The following ATG4B variants were observed in gnomAD, a reference collection of about 807,000 sequenced individuals.
ATG4B encodes autophagy related 4B cysteine peptidase.
A neutral mutation model predicts 56.6 loss-of-function variants in ATG4B; 29 were observed. The ratio of observed to expected loss-of-function variants is 0.51; its 90% confidence interval spans 0.38 to 0.70. The LOEUF (loss-of-function observed/expected upper bound fraction) is 0.70, where lower values mean the gene tolerates loss of function less well. ATG4B is among the 30% of genes least tolerant of loss of function. The pLI, the probability that ATG4B is intolerant of heterozygous loss-of-function variation, is 0.00. For missense variants in ATG4B, 461 were observed against 515.5 expected, an observed-to-expected ratio of 0.89 and a Z score of 1.02; for synonymous variants, 224 against 206.1, an observed-to-expected ratio of 1.09 and a Z score of -0.74.
At chr2:241,653,667 G>A in intron 4 of ATG4B, 57 bp downstream of exon 4, 1 of 1,499,398 alleles carries the variant, frequency 6.7e-7, no homozygotes. Flanking sequence ...AAGCAAAGGG[G>A]ACTGTGGGGT....
chr2:241,659,229 A>C (rs1480938575), intron 7 of ATG4B, 42 bp downstream of exon 7: 2 of 1,561,182 alleles, frequency 1.3e-6, no homozygotes, highest in Non-Finnish European at 1.8e-6. Context: ...AGTTGAAATC[A>C]CGGGCAACAT....
At chr2:241,670,850 G>T in intron 11 of ATG4B, 68 bp downstream of exon 11, 1 of 1,494,980 alleles carries the variant, frequency 6.7e-7, no homozygotes, top group South Asian at 1.2e-5. Context: ...GGGCGTGCAG[G>T]GGTCGAAGGC....
At chr2:241,638,871 T>C (rs1368668830) in intron 1 of ATG4B, among the ~76,000 whole-genome samples, 1 of 152,260 alleles carries the variant, frequency 6.6e-6, no homozygotes, top group Non-Finnish European at 1.5e-5. Context: ...TGTGTACTAT[T>C]TGTTGTTTAC....
intron 1 of ATG4B, among the ~76,000 whole-genome samples, chr2:241,647,919 G>C (rs1177633291): frequency 6.6e-6 from 1 of 151,836 alleles, no homozygotes. Context: ...ATCGAGACCA[G>C]CCTGGCTAAC....
At chr2:241,643,690 A>C (rs2067976745) in intron 1 of ATG4B, among the ~76,000 whole-genome samples, 2 of 87,740 alleles carry the variant, frequency 2.3e-5, no homozygotes, top group Admixed American at 1.1e-4. Flanking sequence ...GTATGTATAT[A>C]TTTTCCCCCC....
intron 7 of ATG4B, among the ~76,000 whole-genome samples, chr2:241,663,497 T>C (rs1026459576): frequency 1.3e-5 from 2 of 152,216 alleles, no homozygotes; most frequent in Admixed American, 1.3e-4. Context: ...ACCGTAACTA[T>C]GTATCTGAAC....
At chr2:241,642,904 G>A (rs1281339348) in intron 1 of ATG4B, among the ~76,000 whole-genome samples, 9 of 57,332 alleles carry the variant, frequency 1.6e-4, no homozygotes, top group African/African-American at 7.4e-4. Context: ...TTTTTAAGAC[G>A]GAGTCTCACT....
At position 241,672,024 on chromosome 2, in the gene ATG4B, T is replaced by C. The variant is rs1575096599; in HGVS notation, c.1109-167T>C. 3 of 1,307,910 alleles carry C rather than the reference T, an allele frequency of 2.3e-6. No individual in the cohort carries two copies. In the East Asian group the frequency reaches 1.1e-4, roughly 47 times the overall value. 81.0% of individuals were successfully genotyped at this position (1,307,910 alleles called of 1,614,324 possible). A position where few individuals can be genotyped will look rare whatever the true frequency, so the allele number is the denominator to read the frequency against. Reference sequence around the variant, plus strand: ...TCCTCTTCTCTGCTCCCTCCCCCCATATTCGCAGGTCTGCACAACCCCCGG... The same window carrying C: ...TCCTCTTCTCTGCTCCCTCCCCCCACATTCGCAGGTCTGCACAACCCCCGG... On this transcript the variant is annotated intron_variant, in intron 12 of 12. Coordinates refer to ENST00000404914, the MANE Select transcript of ATG4B (RefSeq NM_013325.5).
In ATG4B at chr2:241,668,030, CT is replaced by C; in HGVS notation, c.733-112del. The C allele has an allele frequency of 9.9e-7, 1 of 1,008,080 alleles. No homozygotes were observed. Among genetic ancestry groups the C allele is most frequent in the Non-Finnish European group, 1.5e-6 (1 of 684,000 alleles). 62.4% of individuals were successfully genotyped at this position (1,008,080 alleles called of 1,614,324 possible). ...TTGGTACCATGTCCCCTCCTGTCCC[CT>C]CTTGTGTCACCCAGTTGGGCCTCAG... On this transcript the variant is annotated intron_variant, in intron 8 of 12. Transcript: ENST00000404914. The surrounding 1 kb of genome is among the most constrained non-coding windows in gnomAD (Gnocchi z 4.2).
At position 241,651,482 on chromosome 2, in the gene ATG4B, A is replaced by G; in HGVS notation, c.184+147A>G. 2.8e-6 allele frequency: 2 copies of G among 705,914 alleles called. No individual in the cohort carries two copies. Among genetic ancestry groups the G allele is most frequent in the Non-Finnish European group, 4.7e-6 (2 of 423,556 alleles). 43.7% of individuals were successfully genotyped at this position (705,914 alleles called of 1,614,324 possible). A position where few individuals can be genotyped will look rare whatever the true frequency, so the allele number is the denominator to read the frequency against. On this transcript the variant is annotated intron_variant, in intron 3 of 12. Transcript: ENST00000404914. The surrounding 1 kb of genome is among the most constrained non-coding windows in gnomAD (Gnocchi z 4.1). Reference sequence around the variant, plus strand: ...GCTTAACTGAATTGGCCGAGGCCTCACGTGTAGTAGTGGCAAAGCTAGAAT... The same window carrying G: ...GCTTAACTGAATTGGCCGAGGCCTCGCGTGTAGTAGTGGCAAAGCTAGAAT...
chr2:241,644,708 C>T (rs552085735), intron 1 of ATG4B, among the ~76,000 whole-genome samples: 6 of 152,170 alleles, frequency 3.9e-5, no homozygotes, highest in South Asian at 4.1e-4. Flanking sequence ...CCAGCACTTT[C>T]GGAAGCTGAT....
rs368097997 is a variant in ATG4B at position 241,671,622 on chromosome 2, AGC to A, written c.1108+220_1108+221del. 236 of 1,486,246 alleles carry A rather than the reference AGC, an allele frequency of 1.6e-4. 1 individual carries two copies. The African/African-American group carries it at 3.0e-3, about 19-fold the overall frequency. The allele number at this position is 1,486,246 out of a possible 1,614,324, so 92.1% of individuals were successfully genotyped here. On this transcript the variant is annotated intron_variant, in intron 12 of 12. Transcript: ENST00000404914. ...CAGGACCCACCTCGTCTTCCCCACC[AGC>A]GCTGCCTGCCCGGGCGCTGTGGAGC...
intron 11 of ATG4B, among the ~76,000 whole-genome samples, chr2:241,671,093 G>A (rs986612513): frequency 8.5e-5 from 13 of 152,244 alleles, no homozygotes; most frequent in Admixed American, 2.0e-4. Context: ...GGCCGAGTGC[G>A]TGTGGCCCAC....
chr2:241,659,008 G>A, intron 6 of ATG4B, 100 bp from the exon 7 acceptor site: 3 of 822,824 alleles, frequency 3.6e-6, no homozygotes, highest in Non-Finnish European at 3.7e-6. Context: ...CATCCGAGAA[G>A]CACCTCTAAC....
At chr2:241,649,789 T>TC (rs1375792917) in intron 1 of ATG4B, among the ~76,000 whole-genome samples, 5 of 149,930 alleles carry the variant, frequency 3.3e-5, no homozygotes, top group Admixed American at 6.6e-5. Context: ...TTTTTCTTTT[T>TC]TTTTTTTTTT....
At chr2:241,647,237 A>G (rs1201212551) in intron 1 of ATG4B, among the ~76,000 whole-genome samples, 1 of 152,182 alleles carries the variant, frequency 6.6e-6, no homozygotes, top group Non-Finnish European at 1.5e-5. Context: ...GTGTATCTTT[A>G]GTTCAAAGCT....
intron 3 of ATG4B, 82 bp from the exon 4 acceptor site, chr2:241,653,430 G>T: frequency 6.4e-7 from 1 of 1,551,116 alleles, no homozygotes; most frequent in South Asian, 1.2e-5. Flanking sequence ...GTGTGGGACT[G>T]ACCGGCTGCC....
At chr2:241,642,789 C>G (rs2067933621) in intron 1 of ATG4B, among the ~76,000 whole-genome samples, 1 of 142,854 alleles carries the variant, frequency 7.0e-6, no homozygotes, top group African/African-American at 2.6e-5. Context: ...CGTGGAAAAT[C>G]AAGTGTCTGG....
chr2:241,671,474 G>T, intron 12 of ATG4B, 69 bp downstream of exon 12: 1 of 1,581,750 alleles, frequency 6.3e-7, no homozygotes. Context: ...CCCAGTCCTG[G>T]CCCCCTTGGT....
Sources: gnomAD v4.1 joint callset for allele counts (sites outside exome capture counted in the v4.1 genomes callset) on GRCh38, gnomAD v4.1.1 for gene constraint, Gnocchi (gnomAD v3.1) non-coding constraint, MANE v1.5 for transcripts, NCBI Gene and HGNC (gene_info 2026-07-23, HGNC 2026-07-21) for gene names.